The following ZNF469 variants were observed in gnomAD, a reference collection of about 807,000 sequenced individuals.
The protein encoded by ZNF469 is zinc finger protein 469.
Under a neutral mutation model 1.0 loss-of-function variants are expected in ZNF469, and 1 was observed. The observed-to-expected ratio is 1.00, with a 90% CI of 0.35 to 4.73. The LOEUF (loss-of-function observed/expected upper bound fraction) is 4.73, where lower values mean the gene tolerates loss of function less well. Ranked by LOEUF, ZNF469 falls within the 30% of genes most tolerant of loss-of-function variation. ZNF469 has a pLI of 0.16. For missense variants in ZNF469, 6,100 were observed against 5,356.3 expected (o/e 1.14, Z -4.33); for synonymous variants, 2,703 against 2,363.4 (o/e 1.14, Z -4.17).
chr16:88,257,005 G>C, the ZNF469 span, among the ~76,000 whole-genome samples: 8 of 145,966 alleles, frequency 5.5e-5, no homozygotes, highest in African/African-American at 1.8e-4. Context: ...CTGGACTGCA[G>C]TGGCACAATC....
At chr16:88,291,320 C>T in the ZNF469 span, among the ~76,000 whole-genome samples, 9 of 152,182 alleles carry the variant, frequency 5.9e-5, no homozygotes, top group Non-Finnish European at 1.0e-4. Flanking sequence ...CCCCACTACA[C>T]ACACTTGTTT....
chr16:88,250,624 C>T, the ZNF469 span, among the ~76,000 whole-genome samples: 16 of 152,142 alleles, frequency 1.1e-4, no homozygotes, highest in Non-Finnish European at 2.1e-4. Flanking sequence ...GCACTGCTTG[C>T]GGTTTTTGCA....
chr16:88,377,518 G>A, the ZNF469 span, among the ~76,000 whole-genome samples: 1 of 152,214 alleles, frequency 6.6e-6, no homozygotes, highest in Non-Finnish European at 1.5e-5. Context: ...AGATGATGGG[G>A]CAGAAACGCT....
the ZNF469 span, among the ~76,000 whole-genome samples, chr16:88,369,871 C>A: frequency 6.6e-6 from 1 of 152,354 alleles, no homozygotes; most frequent in Middle Eastern, 3.4e-3. Context: ...CCGTCCCCAC[C>A]GCGCCCTCAG....
chr16:88,228,418 C>T, the ZNF469 span, among the ~76,000 whole-genome samples: 3 of 152,250 alleles, frequency 2.0e-5, no homozygotes, highest in African/African-American at 7.2e-5. Flanking sequence ...CCCCGCAGGA[C>T]TACTGCGGGA....
the ZNF469 span, among the ~76,000 whole-genome samples, chr16:88,279,330 T>C: frequency 1.3e-5 from 2 of 151,412 alleles, no homozygotes; most frequent in African/African-American, 4.9e-5. Context: ...CAGTACCTTG[T>C]AGATATCAGT....
chr16:88,279,979 A>G, the ZNF469 span, among the ~76,000 whole-genome samples: 34,714 of 92,414 alleles, frequency 0.38, 4,922 homozygotes, highest in East Asian at 0.56. Context: ...GGTCAGTACC[A>G]TGTAGATATC....
At chr16:88,416,419 C>T (rs1221249376) in intron 1 of ZNF469, among the ~76,000 whole-genome samples, 1 of 152,222 alleles carries the variant, frequency 6.6e-6, no homozygotes, top group Admixed American at 6.5e-5. Flanking sequence ...AGACAGACGA[C>T]ACCCAGGCCT....
Position 88,438,607 on chromosome 16 carries a change from C to T in ZNF469, c.11137C>T (p.Arg3713Cys), listed in dbSNP as rs748126365. The T allele has an allele frequency of 1.7e-4, 258 of 1,549,978 alleles. 1 individual carries two copies. Among genetic ancestry groups the T allele is most frequent in the East Asian group, 1.1e-3 (47 of 40,896 alleles). Reference protein sequence around the residue: ...VGSLAPGELARGTENGMKPAT... With the variant: ...VGSLAPGELACGTENGMKPAT... Reference sequence around the variant, plus strand: ...GAGCCTGGCACCCGGGGAGCTGGCCCGTGGCACAGAGAATGGGATGAAGCC... The same window carrying T: ...GAGCCTGGCACCCGGGGAGCTGGCCTGTGGCACAGAGAATGGGATGAAGCC... The change falls in exon 3 of 3, where the codon CGT (arginine) becomes TGT (cysteine). Residue 3713 changes from arginine to cysteine, a missense_variant. By Grantham distance (180) the Arg-to-Cys change is radical (BLOSUM62 -3). Coordinates refer to ENST00000565624, the MANE Select transcript of ZNF469 (RefSeq NM_001367624.2).
At chr16:88,384,463 C>T (rs1369961451) in intron 1 of ZNF469, among the ~76,000 whole-genome samples, 1 of 152,184 alleles carries the variant, frequency 6.6e-6, no homozygotes, top group East Asian at 1.9e-4. Context: ...AGCTCGGAAG[C>T]TGGGGCGGAG....
chr16:88,132,484 A>G, the ZNF469 span, among the ~76,000 whole-genome samples: 1 of 152,236 alleles, frequency 6.6e-6, no homozygotes, highest in African/African-American at 2.4e-5. Flanking sequence ...CGAGAGACTG[A>G]GCCTTTCCCA....
At chr16:88,212,438 T>G in the ZNF469 span, among the ~76,000 whole-genome samples, 1 of 152,232 alleles carries the variant, frequency 6.6e-6, no homozygotes, top group South Asian at 2.1e-4. Context: ...TGGTTGATTT[T>G]CTGCTCTTCT....
At chr16:88,285,939 T>C in the ZNF469 span, among the ~76,000 whole-genome samples, 5 of 152,258 alleles carry the variant, frequency 3.3e-5, no homozygotes, top group Non-Finnish European at 2.9e-5. Flanking sequence ...CTGCTGACCC[T>C]GTGAAGGCCG....
At chr16:88,255,633 G>A in the ZNF469 span, among the ~76,000 whole-genome samples, 2 of 152,202 alleles carry the variant, frequency 1.3e-5, no homozygotes, top group Non-Finnish European at 2.9e-5. Flanking sequence ...GGTTTACGTT[G>A]TAAGAGTTAA....
intron 1 of ZNF469, among the ~76,000 whole-genome samples, chr16:88,387,248 T>C (rs774969994): frequency 5.3e-5 from 8 of 152,322 alleles, no homozygotes; most frequent in South Asian, 2.1e-4. Context: ...GCCGGAGGGT[T>C]GCGGCCTTGG....
the ZNF469 span, among the ~76,000 whole-genome samples, chr16:88,377,535 G>A: frequency 1.2e-4 from 19 of 152,328 alleles, no homozygotes; most frequent in African/African-American, 4.1e-4. Flanking sequence ...CGCTTGGGCC[G>A]TAGGCATCTG....
the ZNF469 span, among the ~76,000 whole-genome samples, chr16:88,247,673 G>A: frequency 1.1e-4 from 16 of 151,424 alleles, no homozygotes; most frequent in African/African-American, 2.4e-4. Context: ...TGAGTGAATC[G>A]TGAATGACTG....
the ZNF469 span, among the ~76,000 whole-genome samples, chr16:88,310,714 G>A: frequency 6.6e-6 from 1 of 151,968 alleles, no homozygotes; most frequent in East Asian, 1.9e-4. Context: ...TCCTGAGTAG[G>A]GATTACAGGT....
chr16:88,365,100 A>G, the ZNF469 span, among the ~76,000 whole-genome samples: 1 of 152,222 alleles, frequency 6.6e-6, no homozygotes, highest in South Asian at 2.1e-4. Flanking sequence ...GCATGTGGGG[A>G]AAATGAAATA....
Sources: allele counts gnomAD v4.1 joint callset (sites outside exome capture counted in the v4.1 genomes callset), GRCh38; gene constraint gnomAD v4.1.1; transcripts MANE v1.5; gene names NCBI Gene and HGNC (gene_info 2026-07-23, HGNC 2026-07-21).